Variants in PRCC observed in about 807,000 individuals in gnomAD.
PRCC encodes proline rich mitotic checkpoint control factor.
PRCC carries 10 observed loss-of-function variants against 44.0 expected under a neutral mutation model. The ratio of observed to expected loss-of-function variants is 0.23; its 90% confidence interval spans 0.14 to 0.39. PRCC has a LOEUF of 0.39. Among genes scored for constraint, PRCC ranks in the 10% least tolerant of loss-of-function variants. PRCC has a pLI of 1.00. For synonymous variants in PRCC, 278 were observed against 259.5 expected (o/e 1.07, Z -0.69); for missense variants, 573 against 624.7 (o/e 0.92, Z 0.88).
intron 1 of PRCC, among the ~76,000 whole-genome samples, chr1:156,771,152 G>A (rs550452026): frequency 2.0e-5 from 3 of 152,314 alleles, no homozygotes; most frequent in African/African-American, 7.2e-5. Flanking sequence ...AGGAAACAAT[G>A]TATAAAAGCT....
Position 156,794,656 on chromosome 1 carries a change from C to G in PRCC, c.1180-9C>G. Reference sequence around the variant, plus strand: ...AGATTCCTGACTCCTGCATTTTTTTCTTTTCCAGTTTAAGCGGCTGCAGGG... The same window carrying G: ...AGATTCCTGACTCCTGCATTTTTTTGTTTTCCAGTTTAAGCGGCTGCAGGG... On this transcript the variant is annotated splice_polypyrimidine_tract_variant and intron_variant, in intron 4 of 6. Transcript: ENST00000271526. 3.7e-6 allele frequency: 6 copies of G among 1,608,894 alleles called. No homozygotes were observed. The highest frequency in any genetic ancestry group is 4.2e-6 in the Non-Finnish European group (5 of 1,178,648).
chr1:156,769,140 CCTTG>C, intron 1 of PRCC, among the ~76,000 whole-genome samples: 1 of 152,164 alleles, frequency 6.6e-6, no homozygotes, highest in East Asian at 1.9e-4. Context: ...AATTTATTGC[CCTTG>C]CTTTTCTTCA....
chr1:156,776,290 A>T (rs1184468382), intron 1 of PRCC, among the ~76,000 whole-genome samples: 1 of 152,222 alleles, frequency 6.6e-6, no homozygotes, highest in Non-Finnish European at 1.5e-5. Context: ...AGATTGCTTG[A>T]GCCCAGGAGT....
At chr1:156,778,468 C>T (rs762425535) in intron 1 of PRCC, among the ~76,000 whole-genome samples, 29 of 152,012 alleles carry the variant, frequency 1.9e-4, no homozygotes, top group Non-Finnish European at 2.9e-4. Context: ...AACTTGGCTA[C>T]TGTGAATAAT....
At chr1:156,795,501 A>G (rs2102773597) in intron 5 of PRCC, among the ~76,000 whole-genome samples, 1 of 151,858 alleles carries the variant, frequency 6.6e-6, no homozygotes, top group East Asian at 1.9e-4. Flanking sequence ...GCTGGTCTCG[A>G]ACTCCTGGCC....
chr1:156,774,124 T>G (rs1485743882), intron 1 of PRCC, among the ~76,000 whole-genome samples: 4 of 143,284 alleles, frequency 2.8e-5, no homozygotes, highest in Non-Finnish European at 4.5e-5. Context: ...TACTGTTTAA[T>G]GGGTGCGGAG....
In PRCC at chr1:156,800,611, A is replaced by G. The variant is rs1024627392; in HGVS notation, c.*151A>G. The stretch of plus-strand genomic sequence containing the variant: ...CTGCGAGAATGAACATATTTGATAG[A>G]TTTTTCTTAACAAGTTAGAAAATTC... On this transcript the variant is annotated 3_prime_UTR_variant, in exon 7 of 7. Coordinates refer to ENST00000271526, the MANE Select transcript of PRCC (RefSeq NM_005973.5). 14 of 721,210 alleles carry G rather than the reference A, an allele frequency of 1.9e-5. No individual in the cohort carries two copies. Among genetic ancestry groups the G allele is most frequent in the Admixed American group, 5.8e-5 (2 of 34,578 alleles). 44.7% of individuals were successfully genotyped at this position (721,210 alleles called of 1,614,324 possible).
chr1:156,781,296 A>G (rs559959431), intron 1 of PRCC, among the ~76,000 whole-genome samples: 1 of 152,348 alleles, frequency 6.6e-6, no homozygotes, highest in Admixed American at 6.5e-5. Context: ...CTTGGAAGAG[A>G]TAAATTCAAA....
At chr1:156,794,105 G>T (rs974789329) in intron 4 of PRCC, among the ~76,000 whole-genome samples, 5 of 150,956 alleles carry the variant, frequency 3.3e-5, no homozygotes, top group East Asian at 1.9e-4. Flanking sequence ...TTACAAGTAT[G>T]CACCACCACA....
chr1:156,793,928 G>T (rs1652573129), intron 4 of PRCC, among the ~76,000 whole-genome samples: 1 of 148,140 alleles, frequency 6.8e-6, no homozygotes, highest in South Asian at 2.2e-4. Flanking sequence ...TGCTTGGCCT[G>T]CTCTATATTC....
Position 156,768,166 on chromosome 1 carries a change from C to G in PRCC, c.395C>G (p.Pro132Arg). The change falls in exon 1 of 7, where the codon CCG becomes CGG. Residue 132 changes from proline to arginine, a missense_variant. This residue lies in a region of PRCC where 245 missense variants were observed against 188.5 expected (regional missense o/e 1.30). Transcript: ENST00000271526. ...CCTCCAATTGGCGGTGCCGGTCCCC[C>G]GCTGGGGCTTCCCAAGCCAAAGAAG... The part of the protein sequence containing the change: ...LPPPIGGAGP[P>R]LGLPKPKKRK... 1.3e-6 allele frequency: 2 copies of G among 1,554,008 alleles called. No homozygotes were observed. Among genetic ancestry groups the G allele is most frequent in the Non-Finnish European group, 1.7e-6 (2 of 1,149,290 alleles).
At chr1:156,790,321 T>TAGAAGG (rs775428819) in intron 3 of PRCC, among the ~76,000 whole-genome samples, 2 of 152,196 alleles carry the variant, frequency 1.3e-5, no homozygotes, top group Non-Finnish European at 2.9e-5. Flanking sequence ...AGGTTGTTCT[T>TAGAAGG]AGAAGGATGG....
At chr1:156,786,520 A>G in intron 2 of PRCC, 88 bp from the exon 3 acceptor site, 1 of 1,352,752 alleles carries the variant, frequency 7.4e-7, no homozygotes, top group South Asian at 1.4e-5. Context: ...TAGAGAACTT[A>G]TCTGTAACTG....
intron 6 of PRCC, among the ~76,000 whole-genome samples, chr1:156,797,857 C>A (rs566941711): frequency 7.2e-5 from 11 of 152,220 alleles, no homozygotes; most frequent in Admixed American, 3.9e-4. Flanking sequence ...TATGACTGGG[C>A]AGCTTTCAAA....
chr1:156,791,177 A>G (rs1357969937), intron 3 of PRCC: 8 of 1,385,634 alleles, frequency 5.8e-6, no homozygotes, highest in Non-Finnish European at 6.9e-6. Context: ...GTTTCATTGT[A>G]TCCTAATAGT....
chr1:156,780,247 C>T (rs780147332), intron 1 of PRCC, among the ~76,000 whole-genome samples: 46 of 150,612 alleles, frequency 3.1e-4, no homozygotes, highest in Admixed American at 9.3e-4. Flanking sequence ...TTAGTAGAGA[C>T]GGGGTTTTAC....
At chr1:156,772,021 G>A (rs1260515070) in intron 1 of PRCC, among the ~76,000 whole-genome samples, 1 of 151,744 alleles carries the variant, frequency 6.6e-6, no homozygotes, top group Admixed American at 6.6e-5. Flanking sequence ...TATGGGACTG[G>A]TCAATTTTTG....
chr1:156,773,015 A>G lies in PRCC; in HGVS notation c.468+4776A>G, dbSNP rs527451331. ...GAAGAGCCTGGGGCAGCCAGAAAGC[A>G]GAAAGCAATACAAATGAGGAGTGCA... On this transcript the variant is annotated intron_variant, in intron 1 of 6. Transcript: ENST00000271526. Among the ~76,000 whole-genome samples the G allele has an allele frequency of 3.3e-5, 5 of 152,304 alleles. No individual in the cohort carries two copies. The East Asian group carries it at 9.6e-4, about 29-fold the overall frequency.
chr1:156,798,173 C>T (rs751802116), intron 6 of PRCC, among the ~76,000 whole-genome samples: 6 of 152,172 alleles, frequency 3.9e-5, no homozygotes, highest in Non-Finnish European at 7.3e-5. Context: ...GTATAATTTT[C>T]GATTCCCCTA....
Sources: gnomAD v4.1 joint callset for allele counts (sites outside exome capture counted in the v4.1 genomes callset) on GRCh38, gnomAD v4.1.1 for gene constraint, gnomAD v4.1.1 regional missense constraint, MANE v1.5 for transcripts, NCBI Gene and HGNC (gene_info 2026-07-23, HGNC 2026-07-21) for gene names.